SASH1: variants seen among roughly 807,000 people sequenced by gnomAD.
SASH1 encodes the protein SAM and SH3 domain containing 1.
In SASH1, 44 loss-of-function variants were observed where a neutral mutation model predicts 125.2. The ratio of observed to expected loss-of-function variants is 0.35; its 90% CI spans 0.28 to 0.45. The LOEUF (loss-of-function observed/expected upper bound fraction) is 0.45, where lower values mean the gene tolerates loss of function less well. Ranked by LOEUF, SASH1 falls within the 20% of genes least tolerant of loss-of-function variation. The pLI, the probability that SASH1 is intolerant of heterozygous loss-of-function variation, is 1.00. For missense variants in SASH1, 1,426 were observed against 1,614.5 expected (o/e 0.88, Z 2.00); for synonymous variants, 639 against 649.1 (o/e 0.98, Z 0.24).
At chr6:148,447,814 T>C (rs1035822318) in intron 4 of SASH1, among the ~76,000 whole-genome samples, 1 of 152,098 alleles carries the variant, frequency 6.6e-6, no homozygotes, top group Admixed American at 6.6e-5. Flanking sequence ...GCCCTTGCTA[T>C]GTGCTCCCTA....
At chr6:148,460,678 A>G (rs1053171184) in intron 4 of SASH1, among the ~76,000 whole-genome samples, 1 of 152,244 alleles carries the variant, frequency 6.6e-6, no homozygotes, top group Non-Finnish European at 1.5e-5. Context: ...AATACTGCTT[A>G]AGGAAGACAA....
chr6:148,440,259 T>G, intron 3 of SASH1, 25 bp downstream of exon 3: 1 of 1,613,238 alleles, frequency 6.2e-7, no homozygotes, highest in African/African-American at 1.3e-5. Context: ...TTTAATCATC[T>G]AGTTTTGCTT....
chr6:148,475,022 T>C (rs1180984396), intron 7 of SASH1, among the ~76,000 whole-genome samples: 1 of 152,234 alleles, frequency 6.6e-6, no homozygotes, highest in African/African-American at 2.4e-5. Context: ...AGTTAGGCAC[T>C]ACAAGAAGCC....
the SASH1 span, among the ~76,000 whole-genome samples, chr6:148,248,173 T>C: frequency 6.6e-6 from 1 of 152,194 alleles, no homozygotes; most frequent in African/African-American, 2.4e-5. Flanking sequence ...GTGAAAGCTT[T>C]ATCTCTTAAG....
At chr6:148,547,839 T>C (rs192699779) in intron 19 of SASH1, among the ~76,000 whole-genome samples, 135 of 152,372 alleles carry the variant, frequency 8.9e-4, no homozygotes, top group Admixed American at 1.8e-3. Context: ...TAACTTGTAT[T>C]GACTAAACAT....
intron 5 of SASH1, among the ~76,000 whole-genome samples, chr6:148,471,106 T>C (rs561736805): frequency 6.6e-6 from 1 of 152,038 alleles, no homozygotes; most frequent in African/African-American, 2.4e-5. Context: ...GAGGCCAAAT[T>C]AGGCATACTA....
At chr6:148,210,577 T>G in the SASH1 span, among the ~76,000 whole-genome samples, 1 of 152,222 alleles carries the variant, frequency 6.6e-6, no homozygotes, top group Admixed American at 6.5e-5. Flanking sequence ...CTGTCTATAT[T>G]AATGAGTTAC....
At chr6:148,400,915 G>T (rs1294650354) in intron 2 of SASH1, among the ~76,000 whole-genome samples, 1 of 152,124 alleles carries the variant, frequency 6.6e-6, no homozygotes, top group Non-Finnish European at 1.5e-5. Flanking sequence ...AGAATTTTAA[G>T]TTGAAGAAAA....
chr6:148,224,278 T>C, the SASH1 span, among the ~76,000 whole-genome samples: 1 of 151,884 alleles, frequency 6.6e-6, no homozygotes, highest in African/African-American at 2.4e-5. Flanking sequence ...AGCCTGCCCC[T>C]CCAAGCAACA....
At chr6:148,252,485 T>TC in the SASH1 span, among the ~76,000 whole-genome samples, 8 of 124,554 alleles carry the variant, frequency 6.4e-5, no homozygotes, top group Admixed American at 8.7e-5. Context: ...GTTTTTTTTC[T>TC]TTTTTTTTTT....
the SASH1 span, among the ~76,000 whole-genome samples, chr6:148,221,160 A>T: frequency 1.3e-5 from 2 of 152,332 alleles, no homozygotes; most frequent in Admixed American, 1.3e-4. Flanking sequence ...TTTGAAAGAG[A>T]TCAATAAATA....
rs1352513653 is a variant in SASH1 at position 148,387,680 on chromosome 6, CTT to C, written c.157-2452_157-2451del. 6.0e-5 allele frequency among the ~76,000 whole-genome samples: 6 copies of C among 99,850 alleles called. No individual in the cohort carries two copies. In the East Asian group the frequency reaches 1.3e-3, roughly 21 times the overall value. The allele number at this position is 99,850 out of a possible 152,430, so 65.5% of individuals were successfully genotyped here. A position where few individuals can be genotyped will look rare whatever the true frequency, so the allele number is the denominator to read the frequency against. ...TCTTTCTTTCTTTCTTTCTTTCTTT[CTT>C]TCTTTCTTTCGGCATCCTTAGTAAA... On this transcript the variant is annotated intron_variant, in intron 1 of 19. Coordinates refer to ENST00000367467, the MANE Select transcript of SASH1 (RefSeq NM_015278.5).
intron 1 of SASH1, among the ~76,000 whole-genome samples, chr6:148,318,067 C>A (rs1780527039): frequency 6.6e-6 from 1 of 152,180 alleles, no homozygotes; most frequent in African/African-American, 2.4e-5. Flanking sequence ...ACACAGAGAC[C>A]TTTTGGTCTA....
intron 1 of SASH1, among the ~76,000 whole-genome samples, chr6:148,356,070 G>GTTTTTTTTTTT (rs200129121): frequency 4.3e-5 from 6 of 139,782 alleles, no homozygotes; most frequent in Admixed American, 7.3e-5. Flanking sequence ...GTATCATTCT[G>GTTTTTTTTTTT]TTTTTTTTTT....
chr6:148,503,709 T>C (rs1435040360), intron 8 of SASH1, among the ~76,000 whole-genome samples: 1 of 150,560 alleles, frequency 6.6e-6, no homozygotes, highest in African/African-American at 2.5e-5. Context: ...GGGACACTGA[T>C]AGTGACTAGA....
At chr6:148,201,116 A>G in the SASH1 span, among the ~76,000 whole-genome samples, 1 of 152,238 alleles carries the variant, frequency 6.6e-6, no homozygotes, top group East Asian at 1.9e-4. Flanking sequence ...TTTGACTCTT[A>G]GAGTGATAGT....
At chr6:148,210,009 G>A in the SASH1 span, among the ~76,000 whole-genome samples, 1 of 152,188 alleles carries the variant, frequency 6.6e-6, no homozygotes, top group African/African-American at 2.4e-5. Flanking sequence ...TAGATTGTAA[G>A]CAAAAGCCCT....
At chr6:148,302,761 A>ACT (rs1244009204) in intron 1 of SASH1, among the ~76,000 whole-genome samples, 13 of 98,852 alleles carry the variant, frequency 1.3e-4, no homozygotes, top group Non-Finnish European at 2.4e-4. Context: ...GTATTTATAT[A>ACT]CTGTGTGTGT....
intron 1 of SASH1, among the ~76,000 whole-genome samples, chr6:148,299,597 G>A (rs1779879021): frequency 6.6e-6 from 1 of 151,250 alleles, no homozygotes; most frequent in Non-Finnish European, 1.5e-5. Context: ...AACCTGGGAG[G>A]TGGCGGTTGC....
Sources: gnomAD v4.1 joint callset for allele counts (sites outside exome capture counted in the v4.1 genomes callset) on GRCh38, gnomAD v4.1.1 for gene constraint, MANE v1.5 for transcripts, NCBI Gene and HGNC (gene_info 2026-07-23, HGNC 2026-07-21) for gene names.